Variants in RIT2 observed in about 807,000 individuals in gnomAD.
RIT2 encodes the protein Ras like without CAAX 2.
RIT2 carries 24 observed loss-of-function variants against 23.7 expected under a neutral mutation model. The observed-to-expected ratio is 1.01, with a 90% CI of 0.73 to 1.43. The LOEUF is 1.43. Ranked by LOEUF, RIT2 falls within the 40% of genes most tolerant of loss-of-function variation. The pLI, the probability that RIT2 is intolerant of heterozygous loss-of-function variation, is 0.00. For synonymous variants in RIT2, 107 were observed against 91.1 expected, an observed-to-expected ratio of 1.17 and a Z score of -0.99; for missense variants, 236 against 266.9, an observed-to-expected ratio of 0.88 and a Z score of 0.81.
intron 2 of RIT2, among the ~76,000 whole-genome samples, chr18:42,975,759 C>T (rs969372414): frequency 1.3e-5 from 2 of 152,036 alleles, no homozygotes; most frequent in African/African-American, 4.8e-5. Context: ...GATTCCCAAA[C>T]TCCCACCATG....
At chr18:42,944,232 C>T (rs990734840) in intron 3 of RIT2, among the ~76,000 whole-genome samples, 3 of 152,178 alleles carry the variant, frequency 2.0e-5, no homozygotes, top group Admixed American at 2.0e-4. Flanking sequence ...GCTCATACCA[C>T]TCCAGCCACA....
intron 4 of RIT2, among the ~76,000 whole-genome samples, chr18:42,913,534 A>G (rs1347681797): frequency 6.6e-6 from 1 of 151,580 alleles, no homozygotes; most frequent in Non-Finnish European, 1.5e-5. Context: ...AACTTAAAAA[A>G]GAAACAATCC....
chr18:42,773,041 A>G (rs1169430042), intron 4 of RIT2, among the ~76,000 whole-genome samples: 1 of 152,180 alleles, frequency 6.6e-6, no homozygotes, highest in Non-Finnish European at 1.5e-5. Context: ...AAGCCATATT[A>G]AAAAGGCCTG....
chr18:43,029,664 C>A (rs1334857557), intron 2 of RIT2, among the ~76,000 whole-genome samples: 2 of 151,926 alleles, frequency 1.3e-5, no homozygotes, highest in Admixed American at 6.6e-5. Context: ...AAAAGGAATT[C>A]TTTCCTATCA....
rs542443856 is a variant in RIT2, at chr18:42,911,079, G to A, written c.426+12493C>T. On this transcript the variant is annotated intron_variant, in intron 4 of 4. Transcript: ENST00000326695. ...AACAAATAAAAAAAAATCACACAGA[G>A]TATGATCTCTGACCACAATGTATCA... 1.6e-4 allele frequency among the ~76,000 whole-genome samples: 24 copies of A among 152,044 alleles called. No individual in the cohort carries two copies. The East Asian group carries it at 3.9e-3, about 25-fold the overall frequency.
chr18:42,954,374 CAA>C (rs200231977), intron 3 of RIT2, among the ~76,000 whole-genome samples: 6,571 of 86,178 alleles, frequency 0.076, 381 homozygotes, highest in African/African-American at 0.21. Context: ...ATTTCCAACT[CAA>C]AAAAAAAAAA....
chr18:42,983,511 T>A (rs986654635), intron 2 of RIT2, among the ~76,000 whole-genome samples: 3 of 152,030 alleles, frequency 2.0e-5, no homozygotes, highest in Admixed American at 6.6e-5. Context: ...ACCAAAATTT[T>A]AAAAATCAAT....
At chr18:42,886,119 C>A (rs1478965036) in intron 4 of RIT2, among the ~76,000 whole-genome samples, 3 of 152,168 alleles carry the variant, frequency 2.0e-5, no homozygotes, top group Non-Finnish European at 4.4e-5. Context: ...ATTTGATTTA[C>A]TGCTGTCTAT....
At chr18:43,034,896 C>T (rs950058785) in intron 1 of RIT2, among the ~76,000 whole-genome samples, 1 of 152,134 alleles carries the variant, frequency 6.6e-6, no homozygotes, top group African/African-American at 2.4e-5. Flanking sequence ...AGGTGTAACC[C>T]CTCCCCTCTC....
chr18:42,784,250 C>G lies in RIT2; in HGVS notation c.427-40530G>C, dbSNP rs1444829660. On this transcript the variant is annotated intron_variant, in intron 4 of 4. Coordinates refer to ENST00000326695, the MANE Select transcript of RIT2 (RefSeq NM_002930.4). ...ACCCTTCCTTGATGATTCTAGTCTT[C>G]GTTCATCTCTCCCTTGCGCTAAAAA... Among the ~76,000 whole-genome samples the G allele has an allele frequency of 2.7e-5, 4 of 145,496 alleles. No homozygotes were observed. In the South Asian group the frequency reaches 8.7e-4, roughly 32 times the overall value.
intron 4 of RIT2, among the ~76,000 whole-genome samples, chr18:42,783,859 G>A (rs1913866534): frequency 6.6e-6 from 1 of 152,030 alleles, no homozygotes; most frequent in Admixed American, 6.6e-5. Context: ...CTGATGGAAG[G>A]TAAAATTTAT....
At chr18:43,000,125 G>A in intron 2 of RIT2, among the ~76,000 whole-genome samples, 1 of 152,122 alleles carries the variant, frequency 6.6e-6, no homozygotes, top group East Asian at 1.9e-4. Context: ...TAACCTGAGA[G>A]CAGAGATAAT....
intron 4 of RIT2, among the ~76,000 whole-genome samples, chr18:42,805,800 C>T (rs1384302636): frequency 6.6e-6 from 1 of 152,060 alleles, no homozygotes; most frequent in East Asian, 1.9e-4. Flanking sequence ...CTGTCCCTTA[C>T]TCAAACTTTA....
intron 4 of RIT2, among the ~76,000 whole-genome samples, chr18:42,850,112 T>TGTGTGA: frequency 6.6e-6 from 1 of 151,356 alleles, no homozygotes; most frequent in South Asian, 2.1e-4. Flanking sequence ...TGTGTGTGTG[T>TGTGTGA]GAATATACAT....
At chr18:42,892,482 T>C (rs1943166408) in intron 4 of RIT2, among the ~76,000 whole-genome samples, 1 of 152,182 alleles carries the variant, frequency 6.6e-6, no homozygotes, top group Non-Finnish European at 1.5e-5. Context: ...TAATCCTGCT[T>C]AAGAGGCTGA....
intron 1 of RIT2, among the ~76,000 whole-genome samples, chr18:43,041,543 T>C (rs1912128561): frequency 6.6e-6 from 1 of 152,130 alleles, no homozygotes; most frequent in Non-Finnish European, 1.5e-5. Context: ...AAGGACTTTA[T>C]AAAATATTCA....
At position 42,979,096 on chromosome 18, in the gene RIT2, A is replaced by G. The variant is rs1910537446; in HGVS notation, c.161-4949T>C. 2.0e-5 allele frequency among the ~76,000 whole-genome samples: 3 copies of G among 152,176 alleles called. No homozygotes were observed. In the South Asian group the frequency reaches 6.2e-4, roughly 31 times the overall value. Reference sequence around the variant, plus strand: ...ATGTGGAAATGTTTTTCCCAAGTAAATCATAAACTTTTTGGCAAGATATGT... The same window carrying G: ...ATGTGGAAATGTTTTTCCCAAGTAAGTCATAAACTTTTTGGCAAGATATGT... On this transcript the variant is annotated intron_variant, in intron 2 of 4. Coordinates refer to ENST00000326695, the MANE Select transcript of RIT2 (RefSeq NM_002930.4).
chr18:43,004,194 T>C (rs1329267324), intron 2 of RIT2, among the ~76,000 whole-genome samples: 4 of 151,700 alleles, frequency 2.6e-5, no homozygotes, highest in Non-Finnish European at 4.4e-5. Context: ...CCTCTGAGAG[T>C]GGGGACCCTA....
chr18:42,789,660 T>A (rs1343726119), intron 4 of RIT2, among the ~76,000 whole-genome samples: 1 of 152,166 alleles, frequency 6.6e-6, no homozygotes, highest in African/African-American at 2.4e-5. Flanking sequence ...GCTAGTGAGT[T>A]TTGCACATTA....
Sources: gnomAD v4.1 joint callset for allele counts (sites outside exome capture counted in the v4.1 genomes callset) on GRCh38, gnomAD v4.1.1 for gene constraint, MANE v1.5 for transcripts, NCBI Gene and HGNC (gene_info 2026-07-23, HGNC 2026-07-21) for gene names.